The following SMG6 variants were observed in gnomAD, a reference collection of about 807,000 sequenced individuals.
SMG6 encodes SMG6 nonsense mediated mRNA decay factor, also known as telomerase-binding protein EST1A.
In SMG6, 66 loss-of-function variants were observed where a neutral mutation model predicts 142.2. The observed-to-expected ratio is 0.46, with a 90% CI of 0.38 to 0.57. SMG6 has a LOEUF of 0.57. SMG6 is among the 20% of genes least tolerant of loss of function. The pLI is 0.00. For missense variants in SMG6, 1,793 were observed against 1,832.0 expected (o/e 0.98, Z 0.39); for synonymous variants, 779 against 702.4 (o/e 1.11, Z -1.72).
chr17:2,239,159 C>G (rs571712044), intron 9 of SMG6, among the ~76,000 whole-genome samples: 1 of 152,132 alleles, frequency 6.6e-6, no homozygotes, highest in African/African-American at 2.4e-5. Context: ...TGGACACGTA[C>G]GTAAGTATGT....
intron 13 of SMG6, among the ~76,000 whole-genome samples, chr17:2,152,474 C>G (rs2070856538): frequency 6.6e-6 from 1 of 152,072 alleles, no homozygotes; most frequent in Admixed American, 6.6e-5. Flanking sequence ...GGATTTGCAT[C>G]CTAAATATAT....
chr17:2,297,832 T>C (rs2075177465), intron 3 of SMG6, 31 bp downstream of exon 3: 2 of 1,598,588 alleles, frequency 1.3e-6, no homozygotes, highest in Admixed American at 3.4e-5. Flanking sequence ...GCTGAAGCCT[T>C]TATCCTGAGG....
At chr17:2,201,854 T>C (rs1381205095) in intron 10 of SMG6, among the ~76,000 whole-genome samples, 1 of 151,524 alleles carries the variant, frequency 6.6e-6, no homozygotes, top group Non-Finnish European at 1.5e-5. Context: ...TGAAACCCCA[T>C]CTCTACTAAA....
chr17:2,086,760 C>T (rs147440395), intron 13 of SMG6, among the ~76,000 whole-genome samples: 71 of 152,328 alleles, frequency 4.7e-4, no homozygotes, highest in African/African-American at 1.6e-3. Flanking sequence ...CCTCCACACC[C>T]GTTTGCTTGG....
chr17:2,299,873 T>G lies in SMG6; in HGVS notation c.880A>C (p.Lys294Gln), dbSNP rs216195. 515,596 of 1,613,968 alleles carry G rather than the reference T, an allele frequency of 0.32. 87,087 individuals carry two copies. Among genetic ancestry groups the G allele is most frequent in the East Asian group, 0.64 (28,903 of 44,864 alleles). The change falls in exon 2 of 19, where the codon AAG becomes CAG. Residue 294 changes from lysine to glutamine, a missense_variant. Physicochemically the swap from Lys to Gln is moderately conservative, Grantham distance 53 (BLOSUM62 1). This residue lies in a region of SMG6 where 1,597 missense variants were observed against 1,584.6 expected (regional missense o/e 1.01). Transcript: ENST00000263073. The surrounding 1 kb of genome is among the most constrained non-coding windows in gnomAD (Gnocchi z 4.3). ...DRTKERPRLK[K>Q]QVSVSSTDSL... ...TCGGTTGAGGACACAGACACTTGCT[T>G]CTTCAGTCGTGGCCTCTCCTTGGTC... is the stretch of plus-strand genomic sequence containing the variant.
chr17:2,096,920 C>G (rs1300146581), intron 13 of SMG6, among the ~76,000 whole-genome samples: 1 of 152,194 alleles, frequency 6.6e-6, no homozygotes, highest in Non-Finnish European at 1.5e-5. Context: ...TCTTCTCTGA[C>G]TCCATTAGCA....
At chr17:2,256,972 G>GTATT (rs981909107) in intron 8 of SMG6, among the ~76,000 whole-genome samples, 2 of 104,236 alleles carry the variant, frequency 1.9e-5, no homozygotes, top group East Asian at 3.6e-4. Flanking sequence ...ATGTATGTAT[G>GTATT]TATTTATTTA....
chr17:2,223,463 A>C (rs1169763682), intron 10 of SMG6, among the ~76,000 whole-genome samples: 1 of 152,242 alleles, frequency 6.6e-6, no homozygotes, highest in African/African-American at 2.4e-5. Context: ...TCTGAAAAGG[A>C]AACTGAGACA....
At chr17:2,166,153 A>G (rs900937090) in intron 13 of SMG6, among the ~76,000 whole-genome samples, 4 of 151,722 alleles carry the variant, frequency 2.6e-5, no homozygotes, top group African/African-American at 9.7e-5. Context: ...TGGAGGATGC[A>G]GTGAGCCGGG....
chr17:2,299,971 G>A lies in SMG6; in HGVS notation c.782C>T (p.Ser261Leu), dbSNP rs770233999. 13 of 1,613,996 alleles carry A rather than the reference G, an allele frequency of 8.1e-6. No individual in the cohort carries two copies. Among genetic ancestry groups the A allele is most frequent in the African/African-American group, 1.3e-5 (1 of 74,950 alleles). Residue 261 changes from serine (S) to leucine (L), a missense_variant, in exon 2 of 19, where the codon TCA becomes TTA. By Grantham distance (145) the Ser-to-Leu change is moderately radical. Transcript: ENST00000263073. This position sits in a 1 kb window ranked among gnomAD's most constrained non-coding sequence, Gnocchi z 4.3. ...CTCAGCGCTGTTGTTGCTGCCAGCT[G>A]AGCTGGTGCTGCGCGTGCGGTAGCG... ...RNRYRTRSTS[S>L]AGSNNSAEGA...
chr17:2,073,137 G>A (rs576690371), intron 15 of SMG6, among the ~76,000 whole-genome samples: 1 of 152,058 alleles, frequency 6.6e-6, no homozygotes, highest in Non-Finnish European at 1.5e-5. Context: ...ATGCTGGAGT[G>A]TAGTGGCGTG....
chr17:2,087,794 C>T, intron 13 of SMG6: 1 of 985,882 alleles, frequency 1.0e-6, no homozygotes, highest in South Asian at 4.7e-5. Context: ...AGTGGCCTCC[C>T]TGCATCTCCA....
chr17:2,102,075 C>T (rs564100199), intron 13 of SMG6, among the ~76,000 whole-genome samples: 20 of 152,296 alleles, frequency 1.3e-4, no homozygotes, highest in Admixed American at 1.2e-3. Flanking sequence ...ACAAGCAGGG[C>T]CTAGTGGAAC....
intron 8 of SMG6, among the ~76,000 whole-genome samples, chr17:2,246,773 C>T (rs1018200392): frequency 6.6e-6 from 1 of 152,100 alleles, no homozygotes; most frequent in African/African-American, 2.4e-5. Flanking sequence ...CGGTGAAACC[C>T]CGTCTCTACT....
intron 13 of SMG6, among the ~76,000 whole-genome samples, chr17:2,125,635 G>A (rs1258281871): frequency 6.6e-6 from 1 of 152,168 alleles, no homozygotes; most frequent in East Asian, 1.9e-4. Flanking sequence ...ATTTTCCACA[G>A]ATCCATAAAA....
At chr17:2,216,190 G>A (rs1372266368) in intron 10 of SMG6, among the ~76,000 whole-genome samples, 2 of 152,124 alleles carry the variant, frequency 1.3e-5, no homozygotes, top group African/African-American at 2.4e-5. Flanking sequence ...CAGATGGCAG[G>A]TACCACGATG....
At chr17:2,119,202 C>G (rs990163124) in intron 13 of SMG6, among the ~76,000 whole-genome samples, 1 of 152,004 alleles carries the variant, frequency 6.6e-6, no homozygotes, top group Non-Finnish European at 1.5e-5. Context: ...GGATTATAGG[C>G]ATGTGCCACC....
chr17:2,082,182 C>T (rs1372138995), intron 14 of SMG6: 5 of 549,078 alleles, frequency 9.1e-6, no homozygotes, highest in African/African-American at 7.5e-5. Flanking sequence ...GGGCTTTTCC[C>T]TCAGAGAGTT....
intron 13 of SMG6, among the ~76,000 whole-genome samples, chr17:2,172,314 G>C (rs1010013877): frequency 2.0e-5 from 3 of 152,010 alleles, no homozygotes; most frequent in African/African-American, 7.3e-5. Context: ...GGAGGGGGGC[G>C]GGGAGGAAGG....
Sources: allele counts gnomAD v4.1 joint callset (sites outside exome capture counted in the v4.1 genomes callset), GRCh38; gene constraint gnomAD v4.1.1; regional missense constraint gnomAD v4.1.1; non-coding constraint Gnocchi (gnomAD v3.1); transcripts MANE v1.5; gene names NCBI Gene and HGNC (gene_info 2026-07-23, HGNC 2026-07-21).